PTPN20: variants seen among roughly 807,000 people sequenced by gnomAD.
The protein encoded by PTPN20 is tyrosine-protein phosphatase non-receptor type 20.
PTPN20 carries 9 observed loss-of-function variants against 35.0 expected under a neutral mutation model. That is an observed-to-expected ratio of 0.26 (90% CI 0.15 to 0.45). The LOEUF (loss-of-function observed/expected upper bound fraction) is 0.45, where lower values mean the gene tolerates loss of function less well. Among genes scored for constraint, PTPN20 ranks in the 20% least tolerant of loss-of-function variants. The pLI is 1.00. For missense variants in PTPN20, 111 were observed against 312.5 expected (o/e 0.36, Z 4.86); for synonymous variants, 32 against 100.2 (o/e 0.32, Z 4.06).
intron 9 of PTPN20, among the ~76,000 whole-genome samples, chr10:46,997,394 T>C (rs1437575301): frequency 6.6e-6 from 1 of 151,564 alleles, no homozygotes; most frequent in Non-Finnish European, 1.5e-5. Flanking sequence ...CTTTAGTGTG[T>C]TCTACATAGA....
intron 9 of PTPN20, among the ~76,000 whole-genome samples, chr10:46,995,815 G>T (rs1281429814): frequency 6.6e-6 from 1 of 152,124 alleles, no homozygotes; most frequent in Non-Finnish European, 1.5e-5. Context: ...TGCACTCTTG[G>T]TGCTGGGCAA....
chr10:46,971,927 T>C (rs1358438296), intron 7 of PTPN20, among the ~76,000 whole-genome samples: 4 of 66,708 alleles, frequency 6.0e-5, no homozygotes, highest in African/African-American at 2.4e-4. Flanking sequence ...TCACAACTTA[T>C]ATAAAAATTA....
chr10:47,000,667 T>C lies in PTPN20; in HGVS notation c.1198-9T>C. 3.1e-6 allele frequency: 5 copies of C among 1,613,170 alleles called. No homozygotes were observed. The highest frequency in any genetic ancestry group is 1.7e-5 in the Admixed American group (1 of 59,982). On this transcript the variant is annotated splice_polypyrimidine_tract_variant and intron_variant, in intron 10 of 10. Transcript: ENST00000374339. ...AACATTCTGTTGTTTTTTATATATA[T>C]GTATATAGGAGCAGTATCACTTTTG...
intron 1 of PTPN20, among the ~76,000 whole-genome samples, chr10:46,925,688 T>C (rs1398494445): frequency 6.6e-6 from 1 of 151,116 alleles, no homozygotes; most frequent in East Asian, 1.9e-4. Flanking sequence ...TCTCTGTTCA[T>C]GGCAGGGCTT....
downstream of PTPN20, among the ~76,000 whole-genome samples, chr10:47,002,685 T>C (rs2060124994): frequency 6.6e-6 from 1 of 151,898 alleles, no homozygotes; most frequent in Non-Finnish European, 1.5e-5. Flanking sequence ...TAAGCATATA[T>C]ATATTTATTA....
At chr10:46,989,235 G>A (rs2057468355) in intron 9 of PTPN20, among the ~76,000 whole-genome samples, 1 of 76,698 alleles carries the variant, frequency 1.3e-5, no homozygotes, top group South Asian at 5.1e-4. Context: ...TTAGAAGAAA[G>A]GCTTTGAGCT....
rs1224463129 is a variant in PTPN20, at chr10:46,930,253, A to G, written c.-123-2124A>G. Reference sequence around the variant, plus strand: ...GTGTGTGTATTTATATAAAGAGGATAAGTCATTGGGGTAAAGGACCATTCA... The same window carrying G: ...GTGTGTGTATTTATATAAAGAGGATGAGTCATTGGGGTAAAGGACCATTCA... On this transcript the variant is annotated intron_variant, in intron 1 of 10. Coordinates refer to ENST00000374339, the MANE Select transcript of PTPN20 (RefSeq NM_001042357.5). 8.3e-5 allele frequency among the ~76,000 whole-genome samples: 10 copies of G among 121,172 alleles called. No homozygotes were observed. The South Asian group carries it at 2.7e-3, about 32-fold the overall frequency. 79.5% of individuals were successfully genotyped at this position (121,172 alleles called of 152,430 possible).
At chr10:46,954,354 C>T (rs2047781264) in intron 5 of PTPN20, among the ~76,000 whole-genome samples, 1 of 149,244 alleles carries the variant, frequency 6.7e-6, no homozygotes, top group Non-Finnish European at 1.5e-5. Flanking sequence ...AACTTAATCA[C>T]CTCTTTATAA....
At position 46,984,363 on chromosome 10, in the gene PTPN20, T is replaced by C. The variant is rs1322503233; in HGVS notation, c.717T>C (p.Phe239=). ...QGPLLSTIDD[F]WQMVLENNSN... is the part of the protein sequence containing the mutation. ...CACTGCTGAGCACCATAGATGACTT[T>C]TGGCAAATGGTGTTGGAAAATAATT... Residue 239 remains phenylalanine, a synonymous_variant, in exon 8 of 11, where the codon TTT becomes TTC. Coordinates refer to ENST00000374339, the MANE Select transcript of PTPN20 (RefSeq NM_001042357.5). The C allele has an allele frequency of 1.5e-5, 24 of 1,612,044 alleles. No homozygotes were observed. The East Asian group carries it at 5.1e-4, about 34-fold the overall frequency.
intron 1 of PTPN20, among the ~76,000 whole-genome samples, chr10:46,923,000 T>G (rs2035890412): frequency 7.2e-6 from 1 of 139,690 alleles, no homozygotes; most frequent in Non-Finnish European, 1.5e-5. Flanking sequence ...CAGTTGATAT[T>G]TAGAGGCAAT....
At chr10:46,997,114 G>A (rs2059250826) in intron 9 of PTPN20, among the ~76,000 whole-genome samples, 1 of 152,120 alleles carries the variant, frequency 6.6e-6, no homozygotes, top group East Asian at 1.9e-4. Context: ...AACATGGTAA[G>A]TGTATTTATT....
intron 5 of PTPN20, among the ~76,000 whole-genome samples, chr10:46,953,763 C>A (rs1452009610): frequency 9.5e-5 from 14 of 147,828 alleles, no homozygotes; most frequent in Admixed American, 8.7e-4. Flanking sequence ...ATAAGCCCAA[C>A]TTTGTGATGG....
rs372514550 is a variant in PTPN20, at chr10:46,922,952, T to A, written c.-123-9425T>A. Among the ~76,000 whole-genome samples the A allele has an allele frequency of 6.0e-4, 75 of 124,460 alleles. 3 individuals carry two copies. In the South Asian group the frequency reaches 0.02, roughly 33 times the overall value. 81.7% of individuals were successfully genotyped at this position (124,460 alleles called of 152,430 possible). ...CCATACCCAGGATCTCACACATACT[T>A]GATTTAGGTGATTTAGGAGATGAGA... is the stretch of plus-strand genomic sequence containing the variant. On this transcript the variant is annotated intron_variant, in intron 1 of 10. Coordinates refer to ENST00000374339, the MANE Select transcript of PTPN20 (RefSeq NM_001042357.5).
At chr10:46,937,762 T>C (rs1406017871) in intron 2 of PTPN20, among the ~76,000 whole-genome samples, 1 of 152,074 alleles carries the variant, frequency 6.6e-6, no homozygotes, top group Non-Finnish European at 1.5e-5. Context: ...TAAAAGTTCT[T>C]TTTTCTAAAT....
chr10:46,953,877 T>G (rs1589553409), intron 5 of PTPN20, among the ~76,000 whole-genome samples: 1 of 140,684 alleles, frequency 7.1e-6, no homozygotes, highest in East Asian at 2.1e-4. Context: ...ATTTTCTTTT[T>G]TTGTGATATC....
At chr10:46,989,026 T>TAC (rs2057413053) in intron 9 of PTPN20, among the ~76,000 whole-genome samples, 1 of 126,646 alleles carries the variant, frequency 7.9e-6, no homozygotes, top group Admixed American at 7.7e-5. Context: ...TTTTGGGGGA[T>TAC]ATATATATAT....
intron 9 of PTPN20, among the ~76,000 whole-genome samples, chr10:46,999,260 T>A (rs1358957456): frequency 1.3e-5 from 2 of 152,224 alleles, no homozygotes; most frequent in Non-Finnish European, 2.9e-5. Context: ...AACGACTCAT[T>A]CTCAGCTTGT....
chr10:46,939,009 G>A (rs2042601435), intron 2 of PTPN20, among the ~76,000 whole-genome samples: 2 of 152,096 alleles, frequency 1.3e-5, no homozygotes, highest in Non-Finnish European at 2.9e-5. Flanking sequence ...CCTTCTATGA[G>A]TTGCTTGTTT....
chr10:46,988,775 T>A (rs2057320450), intron 9 of PTPN20, among the ~76,000 whole-genome samples: 1 of 152,208 alleles, frequency 6.6e-6, no homozygotes, highest in Non-Finnish European at 1.5e-5. Context: ...GTCCTCTTCG[T>A]TTCTTTCATC....
Sources: gnomAD v4.1 joint callset for allele counts (sites outside exome capture counted in the v4.1 genomes callset) on GRCh38, gnomAD v4.1.1 for gene constraint, MANE v1.5 for transcripts, NCBI Gene and HGNC (gene_info 2026-07-23, HGNC 2026-07-21) for gene names.